Variants in SYT13 observed in about 807,000 individuals in gnomAD.
The protein encoded by SYT13 is synaptotagmin 13, also known as synaptotagmin-13.
In SYT13, 21 loss-of-function variants were observed where a neutral mutation model predicts 38.6. The observed-to-expected ratio is 0.54, with a 90% CI of 0.39 to 0.78. The LOEUF (loss-of-function observed/expected upper bound fraction) is 0.78, where lower values mean the gene tolerates loss of function less well. Among genes scored for constraint, SYT13 ranks in the 30% least tolerant of loss-of-function variants. The probability of loss-of-function intolerance (pLI) is 0.00; values close to 1 mark genes in which losing one functional copy is unlikely to be tolerated. For synonymous variants in SYT13, 241 were observed against 237.6 expected, an observed-to-expected ratio of 1.01 and a Z score of -0.13; for missense variants, 495 against 548.7, an observed-to-expected ratio of 0.90 and a Z score of 0.98.
intron 1 of SYT13, among the ~76,000 whole-genome samples, chr11:45,271,520 GT>G (rs1237551566): frequency 6.6e-6 from 1 of 152,214 alleles, no homozygotes; most frequent in East Asian, 1.9e-4. Context: ...GAAGGCTGGG[GT>G]TGGAGAAATG....
At chr11:45,285,796 C>T in intron 1 of SYT13, 1 of 719,098 alleles carries the variant, frequency 1.4e-6, no homozygotes, top group Non-Finnish European at 2.5e-6. Flanking sequence ...TCCCCACAAG[C>T]TCGCCGCTCC....
At chr11:45,250,148 C>A (rs9300051) in intron 4 of SYT13, among the ~76,000 whole-genome samples, 4 of 152,012 alleles carry the variant, frequency 2.6e-5, no homozygotes, top group Non-Finnish European at 4.4e-5. Context: ...TTCTCCTGCC[C>A]TATACACCCA....
At chr11:45,248,284 C>T (rs1325044284) in intron 4 of SYT13, among the ~76,000 whole-genome samples, 4 of 152,196 alleles carry the variant, frequency 2.6e-5, no homozygotes, top group African/African-American at 9.7e-5. Context: ...AAGTAAGCTC[C>T]ACTGTGGCCT....
chr11:45,248,222 CATT>C (rs139991821), intron 4 of SYT13, among the ~76,000 whole-genome samples: 2,849 of 152,268 alleles, frequency 0.019, 92 homozygotes, highest in African/African-American at 0.065. Flanking sequence ...TAGCAGCTAA[CATT>C]TATTAAACAC....
chr11:45,244,065 T>C lies in SYT13; in HGVS notation c.1268A>G (p.Gln423Arg), dbSNP rs780647221. The C allele has an allele frequency of 2.5e-6, 4 of 1,601,008 alleles. No individual in the cohort carries two copies. Among genetic ancestry groups the C allele is most frequent in the Non-Finnish European group, 8.5e-7 (1 of 1,175,710 alleles). Residue 423 changes from glutamine (Q) to arginine (R), a missense_variant, in exon 6 of 6, where the codon CAG becomes CGG. Transcript: ENST00000020926. ...CTGGGCAGCTGGTTACAGGTGCAGCTGGTGCCACATGGCAATCTGCCGGCG... is the reference window on the plus strand; with the variant it reads ...CTGGGCAGCTGGTTACAGGTGCAGCCGGTGCCACATGGCAATCTGCCGGCG... ...NPRRQIAMWH[Q>R]LHL
chr11:45,255,970 A>C, intron 1 of SYT13, 79 bp from the exon 2 acceptor site: 1 of 1,436,052 alleles, frequency 7.0e-7, no homozygotes, highest in Non-Finnish European at 9.7e-7. Flanking sequence ...AGAAACGGTG[A>C]ACTGACCTGT....
At chr11:45,254,866 C>A (rs1033080953) in intron 2 of SYT13, among the ~76,000 whole-genome samples, 1 of 152,084 alleles carries the variant, frequency 6.6e-6, no homozygotes, top group Non-Finnish European at 1.5e-5. Context: ...GTAACCCCAG[C>A]ACTTCGAGAG....
At chr11:45,285,924 C>T (rs1855129250) in intron 1 of SYT13, 101 bp downstream of exon 1, 10 of 1,321,850 alleles carry the variant, frequency 7.6e-6, no homozygotes, top group Non-Finnish European at 1.0e-5. Context: ...CAAGCTTTGT[C>T]GCGCAAAGAT....
chr11:45,247,918 A>G (rs1854632707), intron 4 of SYT13, among the ~76,000 whole-genome samples: 1 of 152,242 alleles, frequency 6.6e-6, no homozygotes, highest in South Asian at 2.1e-4. Context: ...GAGAAAATGC[A>G]TATAGCAAGT....
Position 45,255,736 on chromosome 11 carries a change from G to A in SYT13, c.339C>T (p.Ser113=), listed in dbSNP as rs997969468. 2 of 1,614,154 alleles carry A rather than the reference G, an allele frequency of 1.2e-6. No homozygotes were observed. The highest frequency in any genetic ancestry group is 3.3e-5 in the Admixed American group (2 of 60,024). The change falls in exon 2 of 6, where the codon AGC becomes AGT. Residue 113 remains serine (S), a synonymous_variant. Transcript: ENST00000020926. ...GGCGACTGTCATTCGGGGGTTGGGGGCTGGCAGGTGCAGTGGGCTCCTCCG... is the reference window on the plus strand; with the variant it reads ...GGCGACTGTCATTCGGGGGTTGGGGACTGGCAGGTGCAGTGGGCTCCTCCG... ...RSTEEPTAPA[S]PQPPNDSRLK...
Position 45,254,386 on chromosome 11 carries a change from C to G in SYT13, c.428G>C (p.Cys143Ser). ...LPQNGVVEDVCVMETWNPEKA... is the reference protein window; with the variant it reads ...LPQNGVVEDVSVMETWNPEKA... ...CTCTGGGTTCCAGGTCTCCATGACA[C>G]AGACATCCTCCACCACACCTGTTAA... The change falls in exon 3 of 6, where the codon TGT becomes TCT. Residue 143 changes from cysteine to serine, a missense_variant. Coordinates refer to ENST00000020926, the MANE Select transcript of SYT13 (RefSeq NM_020826.3). 1 of 1,613,356 alleles carries G rather than the reference C, an allele frequency of 6.2e-7. No homozygotes were observed. The highest frequency in any genetic ancestry group is 8.5e-7 in the Non-Finnish European group (1 of 1,179,732).
chr11:45,276,720 A>T (rs563033350), intron 1 of SYT13, among the ~76,000 whole-genome samples: 2,392 of 134,250 alleles, frequency 0.018, 45 homozygotes, highest in African/African-American at 0.055. Flanking sequence ...TTTAAAAAAA[A>T]AAAATAAATA....
chr11:45,277,353 C>G (rs1368516685), intron 1 of SYT13, among the ~76,000 whole-genome samples: 1 of 152,180 alleles, frequency 6.6e-6, no homozygotes, highest in Admixed American at 6.5e-5. Flanking sequence ...TGATCCTACA[C>G]TTTAAAGTGA....
chr11:45,255,453 T>G (rs1854732578), intron 2 of SYT13, among the ~76,000 whole-genome samples: 1 of 152,112 alleles, frequency 6.6e-6, no homozygotes, highest in Admixed American at 6.5e-5. Flanking sequence ...CATTTTCCAG[T>G]GGAAAGTTGG....
At chr11:45,264,248 T>C (rs1331704304) in intron 1 of SYT13, among the ~76,000 whole-genome samples, 3 of 152,178 alleles carry the variant, frequency 2.0e-5, no homozygotes. Flanking sequence ...ATGAGACCTC[T>C]CAGTGTCCCG....
chr11:45,283,931 A>C (rs1482488049), intron 1 of SYT13, among the ~76,000 whole-genome samples: 1 of 152,252 alleles, frequency 6.6e-6, no homozygotes, highest in Non-Finnish European at 1.5e-5. Flanking sequence ...TAATGTAAAG[A>C]GTGCCATAAA....
chr11:45,269,284 AC>A, intron 1 of SYT13: 1 of 438,160 alleles, frequency 2.3e-6, no homozygotes, highest in South Asian at 2.5e-5. Flanking sequence ...TGCAATCCCA[AC>A]ATTTCTGGCG....
intron 4 of SYT13, among the ~76,000 whole-genome samples, chr11:45,251,479 C>T (rs1334069372): frequency 2.0e-5 from 3 of 149,540 alleles, no homozygotes; most frequent in Non-Finnish European, 4.4e-5. Flanking sequence ...TGGAAAGGGG[C>T]TAATATAATA....
intron 1 of SYT13, among the ~76,000 whole-genome samples, chr11:45,259,877 A>G (rs923716705): frequency 2.0e-5 from 3 of 152,238 alleles, no homozygotes; most frequent in African/African-American, 7.2e-5. Context: ...AGAGACAGAA[A>G]GAACCTGTGT....
Sources: allele counts gnomAD v4.1 joint callset (sites outside exome capture counted in the v4.1 genomes callset), GRCh38; gene constraint gnomAD v4.1.1; transcripts MANE v1.5; gene names NCBI Gene and HGNC (gene_info 2026-07-23, HGNC 2026-07-21).